Variants in DOK6 observed in about 807,000 individuals in gnomAD.
DOK6 encodes the protein docking protein 6.
Under a neutral mutation model 44.0 loss-of-function variants are expected in DOK6, and 22 were observed. That is an observed-to-expected ratio of 0.50 (90% confidence interval 0.36 to 0.71). The LOEUF (loss-of-function observed/expected upper bound fraction) is 0.71. Among genes scored for constraint, DOK6 ranks in the 30% least tolerant of loss-of-function variants. The pLI is 0.00. For synonymous variants in DOK6, 166 were observed against 145.5 expected, an observed-to-expected ratio of 1.14 and a Z score of -1.01; for missense variants, 340 against 416.4, an observed-to-expected ratio of 0.82 and a Z score of 1.60.
chr18:69,608,503 A>G (rs1311117403), intron 3 of DOK6, among the ~76,000 whole-genome samples: 1 of 152,194 alleles, frequency 6.6e-6, no homozygotes, highest in Non-Finnish European at 1.5e-5. Context: ...TTGTGGCTCC[A>G]TATGAATTGT....
chr18:69,605,949 T>C (rs1983984396), intron 3 of DOK6, among the ~76,000 whole-genome samples: 3 of 152,088 alleles, frequency 2.0e-5, no homozygotes, highest in Admixed American at 6.6e-5. Flanking sequence ...TAACTGCCCA[T>C]TTTTTGAAGG....
intron 1 of DOK6, chr18:69,471,632 T>TG (rs1980115623): frequency 6.8e-6 from 1 of 146,654 alleles, no homozygotes; most frequent in South Asian, 2.2e-4. Flanking sequence ...TACAACTGGG[T>TG]GGGGGGTTGC....
intron 7 of DOK6, among the ~76,000 whole-genome samples, chr18:69,787,910 A>G (rs1980480257): frequency 6.6e-6 from 1 of 152,182 alleles, no homozygotes; most frequent in Non-Finnish European, 1.5e-5. Flanking sequence ...TGCACTTTAG[A>G]CTAAATATAT....
chr18:69,458,618 A>G (rs112559997), intron 1 of DOK6, among the ~76,000 whole-genome samples: 42,518 of 152,056 alleles, frequency 0.28, 6,638 homozygotes, highest in African/African-American at 0.4. Context: ...CACTATCAAT[A>G]TCTACACTTA....
At chr18:69,656,482 T>C (rs1599245709) in intron 3 of DOK6, among the ~76,000 whole-genome samples, 1 of 152,336 alleles carries the variant, frequency 6.6e-6, no homozygotes, top group East Asian at 1.9e-4. Context: ...TGTGCCTCCA[T>C]TTCCACATAT....
intron 7 of DOK6, among the ~76,000 whole-genome samples, chr18:69,800,100 A>G (rs878861327): frequency 6.6e-6 from 1 of 152,000 alleles, no homozygotes; most frequent in East Asian, 1.9e-4. Context: ...ATTAAAAAAA[A>G]ACACACAAAA....
At chr18:69,649,189 A>C (rs1985158504) in intron 3 of DOK6, among the ~76,000 whole-genome samples, 1 of 152,188 alleles carries the variant, frequency 6.6e-6, no homozygotes, top group African/African-American at 2.4e-5. Flanking sequence ...TCACTAATCC[A>C]ATTTAAAAGG....
At chr18:69,573,652 T>A (rs1983170273) in intron 2 of DOK6, among the ~76,000 whole-genome samples, 1 of 151,768 alleles carries the variant, frequency 6.6e-6, no homozygotes, top group East Asian at 1.9e-4. Context: ...TTTTTAAGAG[T>A]GTATGCAAGG....
intron 5 of DOK6, among the ~76,000 whole-genome samples, chr18:69,700,688 T>G (rs1184308430): frequency 6.6e-6 from 1 of 152,206 alleles, no homozygotes. Context: ...TGTGCATCTG[T>G]TTTGTAAATT....
intron 7 of DOK6, among the ~76,000 whole-genome samples, chr18:69,766,023 C>T (rs1229895575): frequency 6.6e-6 from 1 of 152,060 alleles, no homozygotes; most frequent in Non-Finnish European, 1.5e-5. Context: ...AACCTAGGCG[C>T]CCATCAACAG....
At chr18:69,676,886 A>G (rs1003674787) in intron 3 of DOK6, among the ~76,000 whole-genome samples, 1 of 152,262 alleles carries the variant, frequency 6.6e-6, no homozygotes, top group East Asian at 1.9e-4. Context: ...TTTAGATATG[A>G]CAGGATTTTG....
chr18:69,449,684 T>C (rs1173622209), intron 1 of DOK6, among the ~76,000 whole-genome samples: 1 of 152,080 alleles, frequency 6.6e-6, no homozygotes, highest in Non-Finnish European at 1.5e-5. Flanking sequence ...AAGAGAGCAG[T>C]GGTTCTCCCA....
chr18:69,723,876 A>AGTGTGTTTCCCCAATCG (rs1359167850), intron 5 of DOK6, among the ~76,000 whole-genome samples: 1 of 152,184 alleles, frequency 6.6e-6, no homozygotes, highest in South Asian at 2.1e-4. Context: ...GATTCCACTC[A>AGTGTGTTTCCCCAATCG]GTGTGTTTCC....
chr18:69,788,679 G>A (rs1030855513), intron 7 of DOK6, among the ~76,000 whole-genome samples: 5 of 152,186 alleles, frequency 3.3e-5, no homozygotes, highest in Non-Finnish European at 7.3e-5. Context: ...TAATCAGAAT[G>A]TGTAAATTGT....
chr18:69,567,129 C>G (rs1215841468), intron 2 of DOK6, among the ~76,000 whole-genome samples: 1 of 152,180 alleles, frequency 6.6e-6, no homozygotes, highest in Admixed American at 6.5e-5. Context: ...CATGGTCTAT[C>G]CGTTAGCCTG....
chr18:69,649,330 T>C (rs1985162242), intron 3 of DOK6, among the ~76,000 whole-genome samples: 1 of 152,232 alleles, frequency 6.6e-6, no homozygotes, highest in Non-Finnish European at 1.5e-5. Flanking sequence ...TTTATGTCCA[T>C]GTAAACGAAA....
chr18:69,450,950 A>C lies in DOK6; in HGVS notation c.66+49640A>C, dbSNP rs1453952984. ...AGGAACAACCGGTACCAGCCGCTGC[A>C]AAATCATGCCAAAATGTAAAGACCA... On this transcript the variant is annotated intron_variant, in intron 1 of 7. Coordinates refer to ENST00000382713, the MANE Select transcript of DOK6 (RefSeq NM_152721.6). Among the ~76,000 whole-genome samples, 3 of 150,082 alleles carry C rather than the reference A, an allele frequency of 2.0e-5. 1 individual carries two copies. The Admixed American group carries it at 2.0e-4, about 10-fold the overall frequency.
chr18:69,558,582 C>G (rs1033255481), intron 1 of DOK6, among the ~76,000 whole-genome samples: 11 of 152,040 alleles, frequency 7.2e-5, no homozygotes, highest in Non-Finnish European at 1.3e-4. Context: ...TATATGCTTT[C>G]ATTATTTGAT....
intron 3 of DOK6, among the ~76,000 whole-genome samples, chr18:69,656,605 A>G (rs1366888863): frequency 1.3e-5 from 2 of 152,260 alleles, no homozygotes; most frequent in Non-Finnish European, 2.9e-5. Context: ...GCTAAATTTA[A>G]AGTAATATTG....
Sources: allele counts gnomAD v4.1 joint callset (sites outside exome capture counted in the v4.1 genomes callset), GRCh38; gene constraint gnomAD v4.1.1; transcripts MANE v1.5; gene names NCBI Gene and HGNC (gene_info 2026-07-23, HGNC 2026-07-21).